The following STIM2 variants were observed in gnomAD, a reference collection of about 807,000 sequenced individuals.
STIM2 encodes stromal interaction molecule 2.
In STIM2, 31 loss-of-function variants were observed where a neutral mutation model predicts 85.8. The observed-to-expected ratio is 0.36, with a 90% CI of 0.27 to 0.49. The LOEUF (loss-of-function observed/expected upper bound fraction) is 0.49. Among genes scored for constraint, STIM2 ranks in the 20% least tolerant of loss-of-function variants. The pLI, the probability that STIM2 is intolerant of heterozygous loss-of-function variation, is 0.98. For synonymous variants in STIM2, 356 were observed against 331.1 expected (o/e 1.08, Z -0.82); for missense variants, 841 against 927.6 (o/e 0.91, Z 1.21).
At chr4:26,990,325 C>A (rs1408408520) in intron 3 of STIM2, among the ~76,000 whole-genome samples, 1 of 152,040 alleles carries the variant, frequency 6.6e-6, no homozygotes, top group Admixed American at 6.6e-5. Flanking sequence ...AACTCATTTT[C>A]AACAAAGGCA....
intron 1 of STIM2, among the ~76,000 whole-genome samples, chr4:26,878,832 G>C (rs1722902268): frequency 6.6e-6 from 1 of 152,122 alleles, no homozygotes; most frequent in African/African-American, 2.4e-5. Context: ...AGGAGAGAGA[G>C]AGCAAGAGCA....
chr4:26,944,309 T>C (rs1725731685), intron 2 of STIM2, among the ~76,000 whole-genome samples: 1 of 152,158 alleles, frequency 6.6e-6, no homozygotes, highest in Non-Finnish European at 1.5e-5. Flanking sequence ...ACAAGCAAAA[T>C]ATTTAAGTAT....
intron 3 of STIM2, among the ~76,000 whole-genome samples, chr4:26,961,507 G>C (rs945151747): frequency 6.6e-6 from 1 of 152,148 alleles, no homozygotes; most frequent in Non-Finnish European, 1.5e-5. Flanking sequence ...CACTGCATTG[G>C]ATCCTGGGGA....
intron 1 of STIM2, among the ~76,000 whole-genome samples, chr4:26,915,115 C>G (rs931180897): frequency 7.9e-5 from 12 of 152,148 alleles, no homozygotes; most frequent in African/African-American, 2.9e-4. Context: ...GTCTTACTTC[C>G]TCATCTGGAA....
chr4:26,955,162 C>A (rs1726200495), intron 2 of STIM2, among the ~76,000 whole-genome samples: 1 of 146,528 alleles, frequency 6.8e-6, no homozygotes, highest in South Asian at 2.2e-4. Context: ...TTAAAAAAAT[C>A]TTTTATTTTG....
At chr4:26,950,703 A>G (rs1045553375) in intron 2 of STIM2, among the ~76,000 whole-genome samples, 25 of 152,174 alleles carry the variant, frequency 1.6e-4, no homozygotes, top group African/African-American at 5.5e-4. Flanking sequence ...ACACAGTCTC[A>G]GTTATTCTGT....
intron 1 of STIM2, among the ~76,000 whole-genome samples, chr4:26,896,826 C>T (rs1723728433): frequency 1.3e-5 from 2 of 152,170 alleles, no homozygotes; most frequent in African/African-American, 4.8e-5. Flanking sequence ...CACAGGACTG[C>T]TCTGTCATCA....
intron 7 of STIM2, among the ~76,000 whole-genome samples, chr4:27,005,367 C>T (rs116171408): frequency 0.017 from 2,563 of 152,118 alleles, 36 homozygotes; most frequent in Non-Finnish European, 0.027. Context: ...CCCTATTATA[C>T]GTGAGACAAT....
intron 2 of STIM2, among the ~76,000 whole-genome samples, chr4:26,955,252 C>T (rs1348318453): frequency 6.8e-6 from 1 of 147,708 alleles, no homozygotes; most frequent in African/African-American, 2.6e-5. Flanking sequence ...CACATCTAGT[C>T]ATGTGGAAAT....
intron 2 of STIM2, among the ~76,000 whole-genome samples, chr4:26,956,283 G>A (rs1454742519): frequency 6.6e-6 from 1 of 152,100 alleles, no homozygotes; most frequent in Non-Finnish European, 1.5e-5. Flanking sequence ...ACATATATGA[G>A]CAAAGTATCA....
intron 3 of STIM2, among the ~76,000 whole-genome samples, chr4:26,993,627 T>G (rs1186322813): frequency 6.6e-6 from 1 of 152,186 alleles, no homozygotes; most frequent in African/African-American, 2.4e-5. Context: ...TGATCTCTTC[T>G]GTAGTCTATA....
rs1728967983 is a variant in STIM2 at position 27,023,071 on chromosome 4, T to C, written c.*75T>C. On this transcript the variant is annotated 3_prime_UTR_variant, in exon 12 of 12. Coordinates refer to ENST00000467087, the MANE Select transcript of STIM2 (RefSeq NM_020860.4). ...TCCCCCACCCTCCACTCCCCACCTT[T>C]TTTTTGGTTTAATTTTAGGAATGTA... 2 of 1,418,504 alleles carry C rather than the reference T, an allele frequency of 1.4e-6. No individual in the cohort carries two copies. The highest frequency in any genetic ancestry group is 2.1e-5 in the Admixed American group (1 of 47,870). 87.9% of individuals were successfully genotyped at this position (1,418,504 alleles called of 1,614,324 possible).
Position 27,007,586 on chromosome 4 carries a change from G to T in STIM2, c.1035G>T (p.Trp345Cys). ...AAGAATTTGAACTGAGAAGCAGTTGGTCTGTTCCAGATGCACTTCAGAAAT... is the reference window on the plus strand; with the variant it reads ...AAGAATTTGAACTGAGAAGCAGTTGTTCTGTTCCAGATGCACTTCAGAAAT... The change falls in exon 8 of 12, where the codon TGG (tryptophan) becomes TGT (cysteine). Residue 345 changes from tryptophan (W) to cysteine (C), a missense_variant. By Grantham distance (215) the Trp-to-Cys change is radical (BLOSUM62 -2). Around this residue, in one of 3 missense-constraint regions of STIM2, gnomAD observed 408 missense variants for 525.4 expected, o/e 0.78. Coordinates refer to ENST00000467087, the MANE Select transcript of STIM2 (RefSeq NM_020860.4). 2 of 1,597,012 alleles carry T rather than the reference G, an allele frequency of 1.3e-6. No homozygotes were observed. The highest frequency in any genetic ancestry group is 1.7e-6 in the Non-Finnish European group (2 of 1,172,314).
intron 3 of STIM2, among the ~76,000 whole-genome samples, chr4:26,961,503 A>G (rs1215490382): frequency 6.6e-6 from 1 of 152,196 alleles, no homozygotes; most frequent in African/African-American, 2.4e-5. Context: ...CAAGCACTGC[A>G]TTGGATCCTG....
chr4:26,898,084 A>G (rs924324245), intron 1 of STIM2, among the ~76,000 whole-genome samples: 1 of 152,226 alleles, frequency 6.6e-6, no homozygotes, highest in Non-Finnish European at 1.5e-5. Flanking sequence ...TGTATTTTAA[A>G]AAATGGTTGA....
At chr4:26,894,775 C>T (rs1394637338) in intron 1 of STIM2, among the ~76,000 whole-genome samples, 1 of 152,118 alleles carries the variant, frequency 6.6e-6, no homozygotes, top group Non-Finnish European at 1.5e-5. Context: ...CTATTCTTTG[C>T]CCTTTGCATA....
At chr4:26,909,283 T>C (rs1408501003) in intron 1 of STIM2, among the ~76,000 whole-genome samples, 1 of 152,202 alleles carries the variant, frequency 6.6e-6, no homozygotes, top group African/African-American at 2.4e-5. Flanking sequence ...TGTTAGGTGT[T>C]TTATACATTG....
At chr4:27,007,475 T>C in intron 7 of STIM2, 58 bp from the exon 8 acceptor site, 1 of 1,267,616 alleles carries the variant, frequency 7.9e-7, no homozygotes, top group South Asian at 2.2e-5. Context: ...CTAAAAAATA[T>C]TTTAATCCTT....
intron 2 of STIM2, among the ~76,000 whole-genome samples, chr4:26,950,140 A>G (rs1449499742): frequency 6.6e-6 from 1 of 152,134 alleles, no homozygotes; most frequent in Non-Finnish European, 1.5e-5. Flanking sequence ...GTGCTCTACA[A>G]CTTAATTAGA....
Sources: allele counts gnomAD v4.1 joint callset (sites outside exome capture counted in the v4.1 genomes callset), GRCh38; gene constraint gnomAD v4.1.1; regional missense constraint gnomAD v4.1.1; transcripts MANE v1.5; gene names NCBI Gene and HGNC (gene_info 2026-07-23, HGNC 2026-07-21).